Variants in ZNF512 observed in about 807,000 individuals in gnomAD.
ZNF512 encodes the protein zinc finger protein 512.
Under a neutral mutation model 77.5 loss-of-function variants are expected in ZNF512, and 25 were observed. The ratio of observed to expected loss-of-function variants is 0.32; its 90% CI spans 0.23 to 0.45. The LOEUF (loss-of-function observed/expected upper bound fraction) is 0.45, where lower values mean the gene tolerates loss of function less well. Among genes scored for constraint, ZNF512 ranks in the 20% least tolerant of loss-of-function variants. The probability of loss-of-function intolerance (pLI) is 1.00; values close to 1 mark genes in which losing one functional copy is unlikely to be tolerated. For missense variants in ZNF512, 483 were observed against 692.6 expected (o/e 0.70, Z 3.40); for synonymous variants, 246 against 239.9 (o/e 1.03, Z -0.24).
intron 13 of ZNF512, among the ~76,000 whole-genome samples, chr2:27,619,056 AG>A (rs1255684033): frequency 6.6e-6 from 1 of 152,234 alleles, no homozygotes; most frequent in African/African-American, 2.4e-5. Flanking sequence ...TGTCTTCTGA[AG>A]GCAGTCATAT....
chr2:27,613,074 A>G (rs996203273), intron 10 of ZNF512, among the ~76,000 whole-genome samples: 4 of 151,740 alleles, frequency 2.6e-5, no homozygotes, highest in Admixed American at 1.3e-4. Context: ...AGATAACCAA[A>G]CTCATTCGTT....
At chr2:27,619,402 A>C (rs1362435942) in intron 13 of ZNF512, among the ~76,000 whole-genome samples, 2 of 150,690 alleles carry the variant, frequency 1.3e-5, no homozygotes, top group African/African-American at 4.9e-5. Context: ...GACTCTGTTA[A>C]AAAAAAAAGG....
intron 9 of ZNF512, among the ~76,000 whole-genome samples, chr2:27,607,484 C>T (rs1672422651): frequency 6.6e-6 from 1 of 152,016 alleles, no homozygotes; most frequent in African/African-American, 2.4e-5. Context: ...TCTTCTGTCT[C>T]AGCCTCCCGA....
chr2:27,589,163 G>A (rs1271707899), intron 2 of ZNF512, among the ~76,000 whole-genome samples: 2 of 152,006 alleles, frequency 1.3e-5, no homozygotes, highest in African/African-American at 4.8e-5. Flanking sequence ...CTGCAAGTAG[G>A]GACAGTTTTG....
Position 27,603,209 on chromosome 2 carries a change from G to A in ZNF512, c.838G>A (p.Ala280Thr), listed in dbSNP as rs1672203573. ...YHVRKCGKGA[A>T]ELEKMTLKCH... ...TGTCAGAAAATGTGGCAAAGGGGCT[G>A]CAGAGCTGGAAAAGATGACCCTGAA... Residue 280 changes from alanine to threonine, a missense_variant, in exon 9 of 14, where the codon GCA (alanine) becomes ACA (threonine). This residue lies in a region of ZNF512 where 324 missense variants were observed against 525.0 expected (regional missense o/e 0.62). Transcript: ENST00000355467. 6.2e-7 allele frequency: 1 copy of A among 1,614,078 alleles called. No homozygotes were observed. The highest frequency in any genetic ancestry group is 1.3e-5 in the African/African-American group (1 of 74,928).
intron 2 of ZNF512, among the ~76,000 whole-genome samples, chr2:27,586,036 T>G (rs766725611): frequency 1.3e-5 from 2 of 151,978 alleles, no homozygotes; most frequent in Non-Finnish European, 2.9e-5. Flanking sequence ...TCTCCAAGAG[T>G]TAATTATGAT....
intron 10 of ZNF512, 40 bp from the exon 11 acceptor site, chr2:27,615,128 G>A: frequency 7.7e-7 from 1 of 1,304,032 alleles, no homozygotes; most frequent in Non-Finnish European, 1.1e-6. Context: ...TTGGTTGGGA[G>A]TTGTATTTAT....
At chr2:27,598,981 A>G (rs1671996266) in intron 3 of ZNF512, among the ~76,000 whole-genome samples, 1 of 152,088 alleles carries the variant, frequency 6.6e-6, no homozygotes, top group Admixed American at 6.5e-5. Flanking sequence ...AGCTGGGATT[A>G]CAGGCATGTG....
chr2:27,587,746 A>G (rs6739567), intron 2 of ZNF512, among the ~76,000 whole-genome samples: 11,362 of 151,386 alleles, frequency 0.075, 1,457 homozygotes, highest in African/African-American at 0.26. Context: ...CAATGGTGCA[A>G]TCTCGGCTCA....
chr2:27,603,092 A>T (rs373820124), intron 8 of ZNF512, 48 bp from the exon 9 acceptor site: 37 of 1,596,500 alleles, frequency 2.3e-5, no homozygotes, highest in Non-Finnish European at 3.1e-5. Context: ...TTTAGGGATC[A>T]TGTCAAAAGA....
chr2:27,592,129 A>G (rs1032304218), intron 2 of ZNF512, among the ~76,000 whole-genome samples: 4 of 151,672 alleles, frequency 2.6e-5, no homozygotes, highest in African/African-American at 9.7e-5. Context: ...AGCTGGGACT[A>G]CAGGTGCACA....
rs1673125687 is a variant in ZNF512, at chr2:27,621,605, ACT to A, written c.*145_*146del. The A allele has an allele frequency of 4.7e-6, 4 of 846,688 alleles. No individual in the cohort carries two copies. The highest frequency in any genetic ancestry group is 1.7e-5 in the African/African-American group (1 of 58,360). The allele number at this position is 846,688 out of a possible 1,614,324, so 52.4% of individuals were successfully genotyped here. A position where few individuals can be genotyped will look rare whatever the true frequency, so the allele number is the denominator to read the frequency against. On this transcript the variant is annotated 3_prime_UTR_variant, in exon 14 of 14. Transcript: ENST00000355467. ...AGCTCCTTCCTCCTGTGTAAATTTC[ACT>A]GTCTTCCCTTCTTACATTTTGATTC...
intron 12 of ZNF512, among the ~76,000 whole-genome samples, chr2:27,616,714 C>A (rs1672897004): frequency 1.3e-5 from 2 of 152,172 alleles, no homozygotes; most frequent in South Asian, 4.1e-4. Context: ...TGGTAAAGAT[C>A]CTCTATACCC....
chr2:27,583,120 C>G lies in ZNF512; in HGVS notation c.8C>G (p.Ser3Cys). Residue 3 changes from serine (S) to cysteine (C), a missense_variant, in exon 1 of 14, where the codon TCC (serine) becomes TGC (cysteine). Coordinates refer to ENST00000355467, the MANE Select transcript of ZNF512 (RefSeq NM_032434.4). Reference sequence around the variant, plus strand: ...AGGCGTGGAGAGGGAGTGATGTCTTCCAGACTCGGTGCTGTACCCGCCGTG... The same window carrying G: ...AGGCGTGGAGAGGGAGTGATGTCTTGCAGACTCGGTGCTGTACCCGCCGTG... The part of the protein sequence containing the change: MS[S>C]RLGAVPATSG... 1 of 1,614,114 alleles carries G rather than the reference C, an allele frequency of 6.2e-7. No individual in the cohort carries two copies. The highest frequency in any genetic ancestry group is 8.5e-7 in the Non-Finnish European group (1 of 1,180,022).
Position 27,600,114 on chromosome 2 carries a change from G to A in ZNF512, c.457+61G>A, listed in dbSNP as rs905808874. 4 of 1,562,042 alleles carry A rather than the reference G, an allele frequency of 2.6e-6. No individual in the cohort carries two copies. In the African/African-American group the frequency reaches 4.1e-5, roughly 16 times the overall value. Reference sequence around the variant, plus strand: ...TCTCACACTCTGATTTGTTGTTGGTGTTGTCTGTGAAGGAATGAGGTACTA... The same window carrying A: ...TCTCACACTCTGATTTGTTGTTGGTATTGTCTGTGAAGGAATGAGGTACTA... On this transcript the variant is annotated intron_variant, in intron 5 of 13. Transcript: ENST00000355467.
intron 2 of ZNF512, 60 bp downstream of exon 2, chr2:27,583,776 T>C: frequency 6.4e-7 from 1 of 1,571,032 alleles, no homozygotes; most frequent in South Asian, 1.1e-5. Flanking sequence ...CCAGTAGAAC[T>C]TCTTCCTGTG....
chr2:27,591,838 C>T (rs571713250), intron 2 of ZNF512, among the ~76,000 whole-genome samples: 17 of 152,228 alleles, frequency 1.1e-4, no homozygotes, highest in Non-Finnish European at 2.1e-4. Context: ...TACACTGGTT[C>T]GATTTTAAAG....
chr2:27,585,439 C>T (rs1671284551), intron 2 of ZNF512, among the ~76,000 whole-genome samples: 1 of 151,986 alleles, frequency 6.6e-6, no homozygotes. Flanking sequence ...ATTATTAGGC[C>T]CCCATCCATT....
chr2:27,615,452 T>C (rs12233155), intron 11 of ZNF512, among the ~76,000 whole-genome samples, 183 bp downstream of exon 11: 150,692 of 152,362 alleles, frequency 0.99, 74,542 homozygotes, highest in East Asian at 1. Flanking sequence ...TCCTGCGATA[T>C]GTAGCATCAG....
Sources: allele counts gnomAD v4.1 joint callset (sites outside exome capture counted in the v4.1 genomes callset), GRCh38; gene constraint gnomAD v4.1.1; regional missense constraint gnomAD v4.1.1; transcripts MANE v1.5; gene names NCBI Gene and HGNC (gene_info 2026-07-23, HGNC 2026-07-21).